Variants in ADGRL2 observed in about 807,000 individuals in gnomAD.
ADGRL2 encodes calcium-independent alpha-latrotoxin receptor 2.
ADGRL2 carries 44 observed loss-of-function variants against 157.4 expected under a neutral mutation model. That is an observed-to-expected ratio of 0.28 (90% CI 0.22 to 0.36). The LOEUF (loss-of-function observed/expected upper bound fraction) is 0.36, where lower values mean the gene tolerates loss of function less well. Among genes scored for constraint, ADGRL2 ranks in the 10% least tolerant of loss-of-function variants. The pLI is 1.00. For missense variants in ADGRL2, 1,510 were observed against 1,768.9 expected (o/e 0.85, Z 2.63); for synonymous variants, 585 against 624.7 (o/e 0.94, Z 0.95).
At chr1:81,345,685 T>C (rs1307950443) in intron 1 of ADGRL2, among the ~76,000 whole-genome samples, 2 of 151,968 alleles carry the variant, frequency 1.3e-5, no homozygotes, top group Non-Finnish European at 2.9e-5. Context: ...CTGTCCTAGA[T>C]TCAGAATTAT....
At chr1:81,824,824 A>C (rs1175300038) in intron 1 of ADGRL2, among the ~76,000 whole-genome samples, 1 of 152,138 alleles carries the variant, frequency 6.6e-6, no homozygotes, top group Non-Finnish European at 1.5e-5. Context: ...TCTTGAGTAA[A>C]AGTCAGTTTC....
intron 3 of ADGRL2, among the ~76,000 whole-genome samples, chr1:81,608,728 T>C (rs939725157): frequency 6.6e-6 from 1 of 152,204 alleles, no homozygotes; most frequent in Non-Finnish European, 1.5e-5. Flanking sequence ...CCATTGCCTG[T>C]TTGAGACTAA....
chr1:81,964,425 C>G (rs929744353), intron 11 of ADGRL2, among the ~76,000 whole-genome samples: 2 of 152,026 alleles, frequency 1.3e-5, no homozygotes, highest in African/African-American at 4.8e-5. Context: ...ATCCATCTAC[C>G]CAGCAGCTTA....
At chr1:81,785,898 G>C (rs2087020436) in intron 2 of ADGRL2, among the ~76,000 whole-genome samples, 1 of 151,888 alleles carries the variant, frequency 6.6e-6, no homozygotes, top group Non-Finnish European at 1.5e-5. Flanking sequence ...CTTGAGCCCA[G>C]GAGTTTGCAA....
chr1:81,984,466 C>A, intron 19 of ADGRL2, 117 bp from the exon 20 acceptor site: 3 of 1,091,878 alleles, frequency 2.7e-6, no homozygotes, highest in Non-Finnish European at 3.8e-6. Context: ...ATTTTCTCCA[C>A]GGATAAGTTT....
At chr1:81,609,597 T>C (rs2081500613) in intron 3 of ADGRL2, among the ~76,000 whole-genome samples, 1 of 152,174 alleles carries the variant, frequency 6.6e-6, no homozygotes, top group East Asian at 1.9e-4. Flanking sequence ...ACCCGTTCTG[T>C]GTCTTGATGG....
At chr1:81,479,065 T>C (rs1036515580) in intron 2 of ADGRL2, among the ~76,000 whole-genome samples, 1 of 152,208 alleles carries the variant, frequency 6.6e-6, no homozygotes, top group African/African-American at 2.4e-5. Flanking sequence ...TGTTTGAAAG[T>C]ATTGTGTAAA....
At chr1:81,425,309 T>C (rs981370294) in intron 1 of ADGRL2, among the ~76,000 whole-genome samples, 1 of 152,220 alleles carries the variant, frequency 6.6e-6, no homozygotes, top group Admixed American at 6.5e-5. Flanking sequence ...ACTCTCATTT[T>C]CTTCATTTAC....
At chr1:81,789,066 T>C (rs893263413) in intron 2 of ADGRL2, among the ~76,000 whole-genome samples, 1 of 152,080 alleles carries the variant, frequency 6.6e-6, no homozygotes, top group Non-Finnish European at 1.5e-5. Context: ...AGTTGACAGA[T>C]GATAGATTAA....
rs145574292 is a variant in ADGRL2, at chr1:81,428,001, G to A, written c.-301-17035G>A. 5.8e-3 allele frequency among the ~76,000 whole-genome samples: 881 copies of A among 152,224 alleles called. 13 individuals carry two copies. Among genetic ancestry groups the A allele is most frequent in the East Asian group, 0.041 (210 of 5,174 alleles). ...GAATTTTTAACTTTTCAATATTTGT[G>A]TAGTTCAGTTTTTCTACATTTTAGT... is the stretch of plus-strand genomic sequence containing the variant. On this transcript the variant is annotated intron_variant, in intron 1 of 24. Coordinates refer to the ADGRL2 transcript ENST00000370721.
intron 6 of ADGRL2, among the ~76,000 whole-genome samples, chr1:81,949,683 T>C (rs905894153): frequency 2.6e-5 from 4 of 152,250 alleles, no homozygotes; most frequent in Admixed American, 6.5e-5. Context: ...GAACGGCTGC[T>C]GGGTGGAAAG....
chr1:81,783,468 T>C (rs1183110481), intron 2 of ADGRL2, among the ~76,000 whole-genome samples: 1 of 152,076 alleles, frequency 6.6e-6, no homozygotes, highest in Non-Finnish European at 1.5e-5. Flanking sequence ...TTTTATTTTT[T>C]CTTTGCCTCT....
At chr1:81,958,598 C>T (rs917867899) in intron 11 of ADGRL2, among the ~76,000 whole-genome samples, 2 of 152,100 alleles carry the variant, frequency 1.3e-5, no homozygotes, top group African/African-American at 4.8e-5. Flanking sequence ...ATAATTTTAT[C>T]TATTATAATT....
At chr1:81,562,696 T>A (rs533241243) in intron 2 of ADGRL2, among the ~76,000 whole-genome samples, 26 of 152,138 alleles carry the variant, frequency 1.7e-4, no homozygotes, top group Non-Finnish European at 2.8e-4. Context: ...GCAGTTTTTT[T>A]AAAAAAATTG....
intron 2 of ADGRL2, among the ~76,000 whole-genome samples, chr1:81,495,051 T>C (rs970493311): frequency 2.6e-5 from 4 of 152,100 alleles, no homozygotes; most frequent in African/African-American, 9.7e-5. Context: ...GCAGCTCTAA[T>C]TCAAATGAAT....
intron 1 of ADGRL2, among the ~76,000 whole-genome samples, chr1:81,307,937 T>C (rs1446715956): frequency 6.6e-5 from 10 of 152,224 alleles, no homozygotes; most frequent in Non-Finnish European, 1.2e-4. Context: ...CAAGTATTAC[T>C]GTGCAGAGGG....
chr1:81,427,567 T>C (rs537234166), intron 1 of ADGRL2: 210 of 741,644 alleles, frequency 2.8e-4, no homozygotes, highest in South Asian at 2.4e-3. Flanking sequence ...ATGGTGGTTA[T>C]GGATCTGGTG....
intron 1 of ADGRL2, among the ~76,000 whole-genome samples, chr1:81,367,248 C>T (rs912106607): frequency 6.6e-6 from 1 of 152,136 alleles, no homozygotes; most frequent in Admixed American, 6.5e-5. Flanking sequence ...AGTACATATG[C>T]AGAATGTGCA....
upstream of ADGRL2, among the ~76,000 whole-genome samples, chr1:81,696,737 G>A (rs2083454455): frequency 6.6e-6 from 1 of 152,078 alleles, no homozygotes; most frequent in Non-Finnish European, 1.5e-5. Flanking sequence ...GGGCGACAGA[G>A]CGAGACTCCA....
Sources: gnomAD v4.1 joint callset for allele counts (sites outside exome capture counted in the v4.1 genomes callset) on GRCh38, gnomAD v4.1.1 for gene constraint, MANE v1.5 for transcripts, NCBI Gene and HGNC (gene_info 2026-07-23, HGNC 2026-07-21) for gene names.